Variants in NVL observed in about 807,000 individuals in gnomAD.
NVL encodes the protein nuclear valosin-containing protein-like.
In NVL, 84 loss-of-function variants were observed where a neutral mutation model predicts 110.2. That is an observed-to-expected ratio of 0.76 (90% CI 0.64 to 0.91). The LOEUF is 0.91. NVL is among the 40% of genes least tolerant of loss of function. The pLI, the probability that NVL is intolerant of heterozygous loss-of-function variation, is 0.00. For synonymous variants in NVL, 354 were observed against 361.1 expected, an observed-to-expected ratio of 0.98 and a Z score of 0.22; for missense variants, 882 against 1,035.9, an observed-to-expected ratio of 0.85 and a Z score of 2.04.
chr1:224,304,469 T>C (rs1333259538), intron 8 of NVL, among the ~76,000 whole-genome samples: 2 of 151,848 alleles, frequency 1.3e-5, no homozygotes, highest in Non-Finnish European at 2.9e-5. Context: ...AAAATAAAGT[T>C]ACCATTACTA....
Position 224,287,972 on chromosome 1 carries a change from C to A in NVL, c.1597G>T (p.Gly533Trp). 6.2e-7 allele frequency: 1 copy of A among 1,613,134 alleles called. No homozygotes were observed. The highest frequency in any genetic ancestry group is 1.1e-5 in the South Asian group (1 of 91,024). The change falls in exon 14 of 23, where the codon GGG becomes TGG. Residue 533 changes from glycine to tryptophan, a missense_variant. This residue lies in a region of NVL where 416 missense variants were observed against 499.3 expected (regional missense o/e 0.83). Coordinates refer to ENST00000281701, the MANE Select transcript of NVL (RefSeq NM_002533.4). The part of the protein sequence containing the change: ...ETQDELQRLL[G>W]LLRDQDPLSE... ...AGGGGATCTTGGTCTCTTAGCAACCCCAGCAGCCTTTGTAATTCATCCTTG... is the reference window on the plus strand; with the variant it reads ...AGGGGATCTTGGTCTCTTAGCAACCACAGCAGCCTTTGTAATTCATCCTTG...
chr1:224,323,909 T>C (rs1246416274), intron 2 of NVL, among the ~76,000 whole-genome samples: 3 of 152,190 alleles, frequency 2.0e-5, no homozygotes, highest in Non-Finnish European at 4.4e-5. Context: ...TTCCAATTGC[T>C]CTCTTTTAGA....
At chr1:224,284,471 G>C (rs922934575) in intron 15 of NVL, among the ~76,000 whole-genome samples, 1 of 151,844 alleles carries the variant, frequency 6.6e-6, no homozygotes, top group African/African-American at 2.4e-5. Flanking sequence ...TGCCTCTTTG[G>C]GTCAAGTGAT....
In NVL at chr1:224,308,064, A is replaced by G; in HGVS notation, c.542T>C (p.Val181Ala). The G allele has an allele frequency of 1.2e-6, 2 of 1,600,804 alleles. No individual in the cohort carries two copies. Among genetic ancestry groups the G allele is most frequent in the Non-Finnish European group, 8.5e-7 (1 of 1,175,628 alleles). The change falls in exon 6 of 23, where the codon GTA becomes GCA. Residue 181 changes from valine to alanine, a missense_variant. Val to Ala is a moderately conservative substitution (Grantham distance 64, BLOSUM62 0). Coordinates refer to ENST00000281701, the MANE Select transcript of NVL (RefSeq NM_002533.4). ...GGWFIDKTPS[V>A]KKDSFFLDLS... ...GTCCAAGAAAAAACTGTCTTTCTTT[A>G]CACTTGGGGTTTTGTCAATAAACCA...
At chr1:224,309,894 G>A (rs1213664258) in intron 5 of NVL, among the ~76,000 whole-genome samples, 1 of 152,062 alleles carries the variant, frequency 6.6e-6, no homozygotes, top group Non-Finnish European at 1.5e-5. Context: ...GCTAGGTGTG[G>A]TGGCGCACAC....
intron 19 of NVL, among the ~76,000 whole-genome samples, chr1:224,237,961 CAAAAAAAAAAAA>C (rs200152434): frequency 6.2e-4 from 84 of 135,690 alleles, no homozygotes; most frequent in East Asian, 3.7e-3. Flanking sequence ...GACTTGGTTT[CAAAAAAAAAAAA>C]AAAAAAAAAA....
intron 15 of NVL, among the ~76,000 whole-genome samples, chr1:224,283,283 C>A (rs1178291815): frequency 6.6e-6 from 1 of 152,038 alleles, no homozygotes; most frequent in Non-Finnish European, 1.5e-5. Context: ...GTCAGGAGAT[C>A]GAGACCATCC....
rs777459230 is a variant in NVL at position 224,313,004 on chromosome 1, A to T, written c.285-1147T>A. ...GAGACTCTGTCTCTACAAAAAAATT[A>T]AAAAATTAGCTGGGCATGCTGGCAC... On this transcript the variant is annotated intron_variant, in intron 4 of 22. Coordinates refer to ENST00000281701, the MANE Select transcript of NVL (RefSeq NM_002533.4). 26 of 259,388 alleles carry T rather than the reference A, an allele frequency of 1.0e-4. No individual in the cohort carries two copies. In the East Asian group the frequency reaches 1.4e-3, roughly 14 times the overall value. 16.1% of individuals were successfully genotyped at this position (259,388 alleles called of 1,614,324 possible).
At chr1:224,306,954 T>C (rs1360741193) in intron 6 of NVL, among the ~76,000 whole-genome samples, 1 of 151,844 alleles carries the variant, frequency 6.6e-6, no homozygotes, top group Non-Finnish European at 1.5e-5. Flanking sequence ...TATTAATAAA[T>C]AAAAAGGGGA....
chr1:224,277,924 C>T (rs573449952), intron 16 of NVL, among the ~76,000 whole-genome samples: 118 of 152,282 alleles, frequency 7.7e-4, no homozygotes, highest in African/African-American at 2.6e-3. Flanking sequence ...CAAGCACTTT[C>T]GGTCTCCTTT....
intron 18 of NVL, among the ~76,000 whole-genome samples, chr1:224,260,362 G>C (rs151324777): frequency 1.3e-5 from 2 of 151,966 alleles, no homozygotes; most frequent in African/African-American, 2.4e-5. Context: ...GAGTTCCAGC[G>C]ATTCTCCTGC....
intron 2 of NVL, among the ~76,000 whole-genome samples, chr1:224,324,653 T>C (rs1670965712): frequency 6.6e-6 from 1 of 152,194 alleles, no homozygotes; most frequent in African/African-American, 2.4e-5. Context: ...AAGTTGGTCT[T>C]GAACTCTATG....
intron 18 of NVL, among the ~76,000 whole-genome samples, chr1:224,257,745 G>T (rs1663455601): frequency 6.6e-6 from 1 of 151,978 alleles, no homozygotes; most frequent in Non-Finnish European, 1.5e-5. Context: ...TCACTATGTT[G>T]CCCAGGCTGG....
intron 21 of NVL, among the ~76,000 whole-genome samples, chr1:224,232,592 T>C (rs1660023341): frequency 1.3e-5 from 2 of 152,060 alleles, no homozygotes; most frequent in South Asian, 4.1e-4. Context: ...ACTCCTGGGC[T>C]CAAGCAATCC....
chr1:224,247,498 G>A (rs572809394), intron 19 of NVL, among the ~76,000 whole-genome samples: 30 of 151,900 alleles, frequency 2.0e-4, no homozygotes, highest in Non-Finnish European at 3.1e-4. Context: ...GTGAAACCCC[G>A]TCTCTACTAA....
chr1:224,236,459 G>A, intron 20 of NVL, 47 bp downstream of exon 20: 1 of 1,432,992 alleles, frequency 7.0e-7, no homozygotes, highest in Non-Finnish European at 9.8e-7. Context: ...TATAGATGAG[G>A]AAATTGAACC....
chr1:224,270,038 G>A (rs1412706046), intron 17 of NVL: 1 of 147,784 alleles, frequency 6.8e-6, no homozygotes, highest in African/African-American at 2.5e-5. Flanking sequence ...CCAAACTGCT[G>A]GGATTACAGG....
chr1:224,313,903 T>G (rs1669802542), intron 4 of NVL, among the ~76,000 whole-genome samples: 1 of 152,122 alleles, frequency 6.6e-6, no homozygotes, highest in Non-Finnish European at 1.5e-5. Context: ...CTCGGGAGGC[T>G]GAGGCAGGAG....
At chr1:224,229,888 A>G (rs768349600) in intron 22 of NVL, among the ~76,000 whole-genome samples, 2 of 152,018 alleles carry the variant, frequency 1.3e-5, no homozygotes, top group Non-Finnish European at 2.9e-5. Context: ...CTGGAGTACA[A>G]TGGTGTGATC....
Sources: gnomAD v4.1 joint callset for allele counts (sites outside exome capture counted in the v4.1 genomes callset) on GRCh38, gnomAD v4.1.1 for gene constraint, gnomAD v4.1.1 regional missense constraint, MANE v1.5 for transcripts, NCBI Gene and HGNC (gene_info 2026-07-23, HGNC 2026-07-21) for gene names.